The following BABAM2 variants were observed in gnomAD, a reference collection of about 807,000 sequenced individuals.
BABAM2 encodes the protein BRISC and BRCA1-A complex member 2.
In BABAM2, 31 loss-of-function variants were observed where a neutral mutation model predicts 54.7. The ratio of observed to expected loss-of-function variants is 0.57; its 90% CI spans 0.43 to 0.77. The LOEUF is 0.77. BABAM2 is among the 30% of genes least tolerant of loss of function. BABAM2 has a pLI of 0.00. For missense variants in BABAM2, 364 were observed against 455.8 expected (o/e 0.80, Z 1.83); for synonymous variants, 167 against 162.9 (o/e 1.03, Z -0.19).
intron 11 of BABAM2, among the ~76,000 whole-genome samples, chr2:28,305,451 G>A (rs1460118183): frequency 6.6e-6 from 1 of 152,012 alleles, no homozygotes; most frequent in African/African-American, 2.4e-5. Flanking sequence ...AAAATTTTAA[G>A]ATTTTTACAT....
chr2:27,988,187 C>T, intron 4 of BABAM2, 100 bp downstream of exon 4: 2 of 1,087,152 alleles, frequency 1.8e-6, no homozygotes, highest in Non-Finnish European at 2.8e-6. Flanking sequence ...CACACATCTG[C>T]ATTTTTTTCC....
intron 7 of BABAM2, among the ~76,000 whole-genome samples, chr2:28,163,012 C>A (rs1279154086): frequency 6.6e-6 from 1 of 152,054 alleles, no homozygotes; most frequent in Non-Finnish European, 1.5e-5. Flanking sequence ...TTTTTAGTCC[C>A]AATTCTGTAG....
intron 4 of BABAM2, among the ~76,000 whole-genome samples, chr2:28,017,621 T>C (rs1458753636): frequency 3.9e-5 from 6 of 152,250 alleles, no homozygotes; most frequent in Non-Finnish European, 5.9e-5. Context: ...ATAGTGAATT[T>C]AGATCATTCT....
chr2:28,026,824 AT>A (rs1675739629), intron 5 of BABAM2, among the ~76,000 whole-genome samples: 1 of 66,308 alleles, frequency 1.5e-5, no homozygotes, highest in African/African-American at 6.4e-5. Context: ...ATATATATTT[AT>A]ATATATAAAT....
upstream of BABAM2, chr2:27,890,400 C>A (rs1176121207): frequency 9.7e-5 from 149 of 1,538,288 alleles, no homozygotes; most frequent in Non-Finnish European, 1.3e-4. This position sits in a 1 kb window ranked among gnomAD's most constrained non-coding sequence, Gnocchi z 4.8. Flanking sequence ...TTTGCCCGAC[C>A]CCGTAACCAG....
chr2:28,043,197 T>G (rs1428579123), intron 5 of BABAM2, among the ~76,000 whole-genome samples: 1 of 150,900 alleles, frequency 6.6e-6, no homozygotes, highest in African/African-American at 2.4e-5. Context: ...GGTGTGATCT[T>G]GGCACATTGC....
intron 2 of BABAM2, among the ~76,000 whole-genome samples, chr2:27,914,448 T>C (rs190272116): frequency 9.8e-5 from 15 of 152,350 alleles, no homozygotes; most frequent in African/African-American, 3.6e-4. Flanking sequence ...CTTCCCTGTC[T>C]TTTTTGGCTT....
intron 7 of BABAM2, among the ~76,000 whole-genome samples, chr2:28,196,970 G>A (rs564100097): frequency 1.0e-4 from 15 of 144,830 alleles, no homozygotes; most frequent in Admixed American, 6.5e-4. Flanking sequence ...TTGGCCTCCC[G>A]AATAGATGGG....
chr2:28,254,533 T>C (rs1464838875), intron 10 of BABAM2, among the ~76,000 whole-genome samples: 3 of 151,894 alleles, frequency 2.0e-5, no homozygotes, highest in African/African-American at 7.3e-5. Flanking sequence ...AAAAAATTAT[T>C]GTAGAAATTT....
intron 11 of BABAM2, among the ~76,000 whole-genome samples, chr2:28,332,096 G>A (rs1691007403): frequency 6.6e-6 from 1 of 152,166 alleles, no homozygotes; most frequent in South Asian, 2.1e-4. Flanking sequence ...TCTCTTATAA[G>A]TGGGAGCTGA....
intron 3 of BABAM2, chr2:27,930,146 C>T (rs1033405738): frequency 4.9e-5 from 20 of 406,230 alleles, no homozygotes; most frequent in Admixed American, 2.9e-4. Context: ...TAGGCATGCC[C>T]GGTAATTTTT....
intron 5 of BABAM2, among the ~76,000 whole-genome samples, chr2:28,041,405 G>A (rs898363599): frequency 3.9e-5 from 6 of 152,160 alleles, no homozygotes; most frequent in African/African-American, 1.2e-4. Flanking sequence ...CAAACTCTTT[G>A]AATCTCATGG....
intron 7 of BABAM2, among the ~76,000 whole-genome samples, chr2:28,208,257 T>G (rs1679088692): frequency 6.6e-6 from 1 of 152,234 alleles, no homozygotes; most frequent in African/African-American, 2.4e-5. Flanking sequence ...GCTCAAGATG[T>G]TGTGTCTGTA....
intron 4 of BABAM2, among the ~76,000 whole-genome samples, chr2:28,021,043 A>G (rs1182487101): frequency 6.6e-6 from 1 of 151,986 alleles, no homozygotes; most frequent in East Asian, 1.9e-4. Context: ...ATGAAATTAT[A>G]TCTTCACCAA....
At chr2:28,044,102 A>G (rs1461816394) in intron 5 of BABAM2, among the ~76,000 whole-genome samples, 1 of 152,204 alleles carries the variant, frequency 6.6e-6, no homozygotes, top group African/African-American at 2.4e-5. Context: ...GTGTAAGTTA[A>G]AAGATGCTGT....
intron 10 of BABAM2, among the ~76,000 whole-genome samples, chr2:28,246,540 G>A (rs1394423657): frequency 6.6e-6 from 1 of 152,076 alleles, no homozygotes; most frequent in Non-Finnish European, 1.5e-5. Flanking sequence ...TGACGGCCTC[G>A]TGCCTCCTGA....
intron 2 of BABAM2, among the ~76,000 whole-genome samples, chr2:27,924,875 A>G (rs922826038): frequency 3.3e-5 from 5 of 152,206 alleles, no homozygotes; most frequent in East Asian, 3.9e-4. Flanking sequence ...TATTTATCCT[A>G]GATAATATAA....
intron 3 of BABAM2, among the ~76,000 whole-genome samples, chr2:27,963,602 A>G (rs534004438): frequency 3.5e-4 from 53 of 152,304 alleles, no homozygotes; most frequent in Middle Eastern, 6.8e-3. Flanking sequence ...CATAGAAGCA[A>G]GTTATACCAA....
rs1688352566 is a variant in BABAM2, at chr2:28,304,443, T to G, written c.1088+5952T>G. ...AAATATAAACAAAATTTTTAAAAATTTATTTTCTAGTTTGTTGCTGGTATA... is the reference window on the plus strand; with the variant it reads ...AAATATAAACAAAATTTTTAAAAATGTATTTTCTAGTTTGTTGCTGGTATA... On this transcript the variant is annotated intron_variant, in intron 11 of 11. Transcript: ENST00000379624. This position sits in a 1 kb window ranked among gnomAD's most constrained non-coding sequence, Gnocchi z 4.0. Among the ~76,000 whole-genome samples the G allele has an allele frequency of 6.6e-6, 1 of 150,936 alleles. No homozygotes were observed. Among genetic ancestry groups the G allele is most frequent in the Admixed American group, 6.6e-5 (1 of 15,162 alleles).
Sources: gnomAD v4.1 joint callset for allele counts (sites outside exome capture counted in the v4.1 genomes callset) on GRCh38, gnomAD v4.1.1 for gene constraint, Gnocchi (gnomAD v3.1) non-coding constraint, MANE v1.5 for transcripts, NCBI Gene and HGNC (gene_info 2026-07-23, HGNC 2026-07-21) for gene names.